Variants in IKBKE observed in about 807,000 individuals in gnomAD.
IKBKE encodes inhibitor of nuclear factor kappa B kinase subunit epsilon.
IKBKE carries 45 observed loss-of-function variants against 92.1 expected under a neutral mutation model. That is an observed-to-expected ratio of 0.49 (90% CI 0.38 to 0.63). IKBKE has a LOEUF of 0.63. Among genes scored for constraint, IKBKE ranks in the 20% least tolerant of loss-of-function variants. The probability of loss-of-function intolerance (pLI) is 0.00; values close to 1 mark genes in which losing one functional copy is unlikely to be tolerated. For synonymous variants in IKBKE, 374 were observed against 380.3 expected (o/e 0.98, Z 0.19); for missense variants, 700 against 932.8 (o/e 0.75, Z 3.25).
Position 206,476,169 on chromosome 1 carries a change from G to T in IKBKE, c.359-12G>T, listed in dbSNP as rs190448324. On this transcript the variant is annotated splice_polypyrimidine_tract_variant and intron_variant, in intron 5 of 21. Coordinates refer to ENST00000581977, the MANE Select transcript of IKBKE (RefSeq NM_014002.4). This position sits in a 1 kb window ranked among gnomAD's most constrained non-coding sequence, Gnocchi z 5.1. Reference sequence around the variant, plus strand: ...ACCAGAGCCAGCTAGTGGCCTCCCCGTCTGTCCCCAGTGGCCGGCATGAAC... The same window carrying T: ...ACCAGAGCCAGCTAGTGGCCTCCCCTTCTGTCCCCAGTGGCCGGCATGAAC... 1.2e-6 allele frequency: 2 copies of T among 1,613,542 alleles called. No individual in the cohort carries two copies. The highest frequency in any genetic ancestry group is 1.7e-6 in the Non-Finnish European group (2 of 1,179,908).
Position 206,479,875 on chromosome 1 carries a change from CTGGACGTCCCCAAGTTCG to C in IKBKE, c.1191_1208del (p.Asp398_Val403del). On this transcript the variant is annotated inframe_deletion, in exon 11 of 22. Transcript: ENST00000581977. ...GACAGGGTCTTTGTCTGCAGCTGCT[CTGGACGTCCCCAAGTTCG>C]TCCCCAAAGTGGACCTGCAGGCGGA... The C allele has an allele frequency of 6.2e-7, 1 of 1,613,860 alleles. No homozygotes were observed. Among genetic ancestry groups the C allele is most frequent in the Non-Finnish European group, 8.5e-7 (1 of 1,179,952 alleles).
At chr1:206,480,338 G>A (rs1665314229) in intron 12 of IKBKE, 109 bp from the exon 13 acceptor site, 1 of 953,616 alleles carries the variant, frequency 1.0e-6, no homozygotes, top group African/African-American at 1.6e-5. Flanking sequence ...AGGCAGGCCA[G>A]AGGGGGAGGC....
At chr1:206,474,621 G>A (rs41296012) in intron 4 of IKBKE, 150 bp downstream of exon 4, 139 of 877,448 alleles carry the variant, frequency 1.6e-4, no homozygotes, top group Admixed American at 2.4e-4. Context: ...AAGGGGGCAA[G>A]GGGGTGGGGG....
intron 17 of IKBKE, chr1:206,491,416 G>C (rs1414453538): frequency 2.2e-6 from 1 of 462,686 alleles, no homozygotes; most frequent in Non-Finnish European, 4.0e-6. Flanking sequence ...AGGACCCCCT[G>C]TGTGTCTCCC....
Position 206,494,607 on chromosome 1 carries a change from T to C in IKBKE, c.2117+616T>C, listed in dbSNP as rs1312491961. Among the ~76,000 whole-genome samples, 12 of 133,374 alleles carry C rather than the reference T, an allele frequency of 9.0e-5. 1 individual carries two copies. In the South Asian group the frequency reaches 2.9e-3, roughly 32 times the overall value. 87.5% of individuals were successfully genotyped at this position (133,374 alleles called of 152,430 possible). A position where few individuals can be genotyped will look rare whatever the true frequency, so the allele number is the denominator to read the frequency against. On this transcript the variant is annotated intron_variant, in intron 21 of 21. Transcript: ENST00000581977. Reference sequence around the variant, plus strand: ...AAAGTTCTTTCTTTTTTTTTTTTTTTTTTTTTTTTTTTTTGAGACGGAGTC... The same window carrying C: ...AAAGTTCTTTCTTTTTTTTTTTTTTCTTTTTTTTTTTTTTGAGACGGAGTC...
Position 206,476,649 on chromosome 1 carries a change from C to A in IKBKE, c.541-29C>A. The A allele has an allele frequency of 6.2e-7, 1 of 1,613,776 alleles. No homozygotes were observed. The highest frequency in any genetic ancestry group is 8.5e-7 in the Non-Finnish European group (1 of 1,179,824). On this transcript the variant is annotated intron_variant, in intron 6 of 21. Transcript: ENST00000581977. This position sits in a 1 kb window ranked among gnomAD's most constrained non-coding sequence, Gnocchi z 5.1. ...CAGGCCCTTGCCAGCCCTCCGGCTC[C>A]ATGGCCTCATTCTGGTTCTCTCCGG...
Position 206,490,850 on chromosome 1 carries a change from G to T in IKBKE, c.1725G>T (p.Lys575Asn). ...GCTACAACGAGGAGCAGATTCACAA[G>T]CTGGATAAGTGAGTGGCCTGTCCTC... ...GLGYNEEQIHKLDKVNFSHLA... is the reference protein window; with the variant it reads ...GLGYNEEQIHNLDKVNFSHLA... The change falls in exon 17 of 22, where the codon AAG (lysine) becomes AAT (asparagine). Residue 575 changes from lysine to asparagine, a missense_variant. Coordinates refer to ENST00000581977, the MANE Select transcript of IKBKE (RefSeq NM_014002.4). This position sits in a 1 kb window ranked among gnomAD's most constrained non-coding sequence, Gnocchi z 5.2. 6.2e-7 allele frequency: 1 copy of T among 1,614,182 alleles called. No homozygotes were observed. The highest frequency in any genetic ancestry group is 8.5e-7 in the Non-Finnish European group (1 of 1,180,016).
chr1:206,488,172 G>A (rs1378340057), intron 16 of IKBKE, among the ~76,000 whole-genome samples, 182 bp downstream of exon 16: 3 of 152,254 alleles, frequency 2.0e-5, no homozygotes, highest in Admixed American at 2.0e-4. Flanking sequence ...TAGGGGCAAG[G>A]CCCCTGTCTG....
chr1:206,484,963 CCCAAATGTGG>C (rs1553388195), intron 13 of IKBKE, 24 bp from the exon 14 acceptor site: 1 of 1,589,732 alleles, frequency 6.3e-7, no homozygotes, highest in Admixed American at 1.7e-5. Flanking sequence ...CTCCTAAGCC[CCCAAATGTGG>C]CCTTTCTCTT....
rs782192819 is a variant in IKBKE, at chr1:206,478,920, C to T, written c.993-23C>T. ...GCCTACTGACACCCCCTGCCCTCTG[C>T]TCCCCACCACGGCTGTGTCTAGGAT... On this transcript the variant is annotated intron_variant, in intron 9 of 21. Transcript: ENST00000581977. This position sits in a 1 kb window ranked among gnomAD's most constrained non-coding sequence, Gnocchi z 4.8. 1 of 1,611,792 alleles carries T rather than the reference C, an allele frequency of 6.2e-7. No individual in the cohort carries two copies. Among genetic ancestry groups the T allele is most frequent in the Non-Finnish European group, 8.5e-7 (1 of 1,178,132 alleles).
rs1459011042 is a variant in IKBKE, at chr1:206,490,374, GTGGT to G, written c.1694-444_1694-441del. Among the ~76,000 whole-genome samples the G allele has an allele frequency of 1.3e-5, 2 of 152,200 alleles. No homozygotes were observed. The highest frequency in any genetic ancestry group is 2.9e-5 in the Non-Finnish European group (2 of 68,032). The stretch of plus-strand genomic sequence containing the variant: ...GCTGGGCAGAGCGGGGAGGTAGAAG[GTGGT>G]GGCCTGATTTCTCCAGCTCGTTGCA... On this transcript the variant is annotated intron_variant, in intron 16 of 21. Coordinates refer to ENST00000581977, the MANE Select transcript of IKBKE (RefSeq NM_014002.4). The surrounding 1 kb of genome is among the most constrained non-coding windows in gnomAD (Gnocchi z 5.2).
chr1:206,494,378 C>A (rs1264256421), intron 21 of IKBKE, among the ~76,000 whole-genome samples: 1 of 152,134 alleles, frequency 6.6e-6, no homozygotes, highest in African/African-American at 2.4e-5. Flanking sequence ...ACAGCGCAGA[C>A]ACCTTGGATA....
rs782305487 is a variant in IKBKE at position 206,479,057 on chromosome 1, C to T, written c.1107C>T (p.His369=). Residue 369 remains histidine (H), a synonymous_variant, in exon 10 of 22, where the codon CAC becomes CAT. Coordinates refer to ENST00000581977, the MANE Select transcript of IKBKE (RefSeq NM_014002.4). ...TCGAGCCCAGCGTCTCAGCACAGCA[C>T]ATCGCCCACACGACGGCAAGCAGCC... ...CVLEPSVSAQ[H]IAHTTASSPL... is the part of the protein sequence containing the mutation. The T allele has an allele frequency of 1.9e-6, 3 of 1,613,908 alleles. No individual in the cohort carries two copies. Among genetic ancestry groups the T allele is most frequent in the Non-Finnish European group, 2.5e-6 (3 of 1,180,000 alleles).
At chr1:206,486,889 G>A (rs1553388917) in intron 15 of IKBKE, among the ~76,000 whole-genome samples, 1 of 149,442 alleles carries the variant, frequency 6.7e-6, no homozygotes, top group African/African-American at 2.5e-5. Context: ...GATGAAGGCT[G>A]CAGATCTGAG....
chr1:206,477,920 C>A, intron 8 of IKBKE, 61 bp downstream of exon 8: 2 of 1,200,374 alleles, frequency 1.7e-6, no homozygotes, highest in South Asian at 1.3e-5. Flanking sequence ...CTTCTCTCTG[C>A]TAAGTCAAGA....
rs1664755613 is a variant in IKBKE, at chr1:206,471,203, C to T, written c.-75C>T. On this transcript the variant is annotated 5_prime_UTR_variant, in exon 2 of 22. Transcript: ENST00000581977. The stretch of plus-strand genomic sequence containing the variant: ...GACAGAAAGCATAACATACACTCGC[C>T]AGGAAGAGCCTTTGCCTGACTCAGG... 6.6e-6 allele frequency: 1 copy of T among 152,208 alleles called. No homozygotes were observed. Among genetic ancestry groups the T allele is most frequent in the Admixed American group, 6.5e-5 (1 of 15,286 alleles). The allele number at this position is 152,208 out of a possible 1,614,324, so 9.4% of individuals were successfully genotyped here. A position where few individuals can be genotyped will look rare whatever the true frequency, so the allele number is the denominator to read the frequency against.
chr1:206,488,303 A>T (rs1188049431), intron 16 of IKBKE, among the ~76,000 whole-genome samples: 3 of 152,066 alleles, frequency 2.0e-5, no homozygotes, highest in Non-Finnish European at 4.4e-5. Flanking sequence ...GCTGTAGGAG[A>T]GGTGGTCCTG....
At chr1:206,486,126 T>C (rs1490909178) in intron 15 of IKBKE, among the ~76,000 whole-genome samples, 3 of 152,260 alleles carry the variant, frequency 2.0e-5, no homozygotes, top group African/African-American at 7.2e-5. Flanking sequence ...TTATAGAATT[T>C]ATCCCACTTA....
At chr1:206,494,873 G>A (rs968075788) in intron 21 of IKBKE, among the ~76,000 whole-genome samples, 1 of 151,218 alleles carries the variant, frequency 6.6e-6, no homozygotes, top group African/African-American at 2.4e-5. Context: ...CAAAGTGCTG[G>A]GATTACAGAC....
Sources: gnomAD v4.1 joint callset for allele counts (sites outside exome capture counted in the v4.1 genomes callset) on GRCh38, gnomAD v4.1.1 for gene constraint, Gnocchi (gnomAD v3.1) non-coding constraint, MANE v1.5 for transcripts, NCBI Gene and HGNC (gene_info 2026-07-23, HGNC 2026-07-21) for gene names.